The following PRKN variants were observed in gnomAD, a reference collection of about 807,000 sequenced individuals.
The protein encoded by PRKN is parkin RBR E3 ubiquitin protein ligase, also known as E3 ubiquitin-protein ligase parkin.
PRKN carries 56 observed loss-of-function variants against 59.5 expected under a neutral mutation model. The ratio of observed to expected loss-of-function variants is 0.94; its 90% confidence interval spans 0.76 to 1.18. The LOEUF is 1.18. Among genes scored for constraint, PRKN ranks in the 50% most tolerant of loss-of-function variants. The pLI, the probability that PRKN is intolerant of heterozygous loss-of-function variation, is 0.00. For missense variants in PRKN, 657 were observed against 596.4 expected, an observed-to-expected ratio of 1.10 and a Z score of -1.06; for synonymous variants, 250 against 222.1, an observed-to-expected ratio of 1.13 and a Z score of -1.12.
At chr6:161,751,732 A>C (rs1419550607) in intron 7 of PRKN, among the ~76,000 whole-genome samples, 1 of 152,228 alleles carries the variant, frequency 6.6e-6, no homozygotes, top group African/African-American at 2.4e-5. Flanking sequence ...GATGATACCA[A>C]ATAAACTCAC....
intron 6 of PRKN, among the ~76,000 whole-genome samples, chr6:161,828,829 C>T (rs112705262): frequency 9.2e-5 from 14 of 152,026 alleles, no homozygotes; most frequent in African/African-American, 1.7e-4. Flanking sequence ...ACTTGGGACG[C>T]TGAGGCGGGA....
rs937780600 is a variant in PRKN, at chr6:161,547,032, C to G, written c.1083+1822G>C. ...CTAAACTGCAAACTCAGGAGGAACC[C>G]TGAGCCAGAACTACCCAGCAAAGCC... On this transcript the variant is annotated intron_variant, in intron 9 of 11. Transcript: ENST00000366898. This position sits in a 1 kb window ranked among gnomAD's most constrained non-coding sequence, Gnocchi z 4.0. Among the ~76,000 whole-genome samples the G allele has an allele frequency of 6.6e-6, 1 of 152,118 alleles. No individual in the cohort carries two copies. Among genetic ancestry groups the G allele is most frequent in the African/African-American group, 2.4e-5 (1 of 41,414 alleles).
At chr6:161,599,615 T>C (rs1782036720) in intron 7 of PRKN, among the ~76,000 whole-genome samples, 1 of 152,192 alleles carries the variant, frequency 6.6e-6, no homozygotes, top group Non-Finnish European at 1.5e-5. Context: ...GGCATTGGAC[T>C]TCCCTTTATA....
intron 7 of PRKN, among the ~76,000 whole-genome samples, chr6:161,685,526 A>G (rs1785521354): frequency 6.6e-6 from 1 of 152,202 alleles, no homozygotes; most frequent in South Asian, 2.1e-4. Flanking sequence ...TACACATATG[A>G]GGGGCCCTAG....
intron 1 of PRKN, among the ~76,000 whole-genome samples, chr6:162,566,711 A>G (rs1780096253): frequency 6.6e-6 from 1 of 152,214 alleles, no homozygotes; most frequent in African/African-American, 2.4e-5. Context: ...ACATTTAAAG[A>G]AGAACTAATA....
chr6:161,439,735 G>C (rs1302404096), intron 9 of PRKN, among the ~76,000 whole-genome samples: 4 of 152,070 alleles, frequency 2.6e-5, no homozygotes, highest in Admixed American at 6.6e-5. Context: ...GCATCTGAAC[G>C]TAATTCTTGC....
intron 3 of PRKN, among the ~76,000 whole-genome samples, chr6:162,233,158 T>C (rs1778495711): frequency 6.6e-6 from 1 of 152,202 alleles, no homozygotes; most frequent in Non-Finnish European, 1.5e-5. Context: ...AAGAGGCACA[T>C]CTTGTCATTT....
At chr6:161,846,663 T>C (rs1793210135) in intron 6 of PRKN, among the ~76,000 whole-genome samples, 1 of 47,728 alleles carries the variant, frequency 2.1e-5, no homozygotes. Flanking sequence ...TCTGCGTGAG[T>C]GAAAAACAAT....
chr6:162,480,975 T>TG (rs1479479820), intron 1 of PRKN, among the ~76,000 whole-genome samples: 40 of 143,698 alleles, frequency 2.8e-4, no homozygotes, highest in African/African-American at 7.5e-4. Context: ...CCAGCTAATT[T>TG]TTGTGTGTGT....
intron 6 of PRKN, among the ~76,000 whole-genome samples, chr6:161,829,136 A>G (rs1583216273): frequency 6.6e-6 from 1 of 152,036 alleles, no homozygotes; most frequent in East Asian, 1.9e-4. Flanking sequence ...TGAGGCAGGA[A>G]AATCACTTGA....
chr6:162,245,886 G>C (rs1779173649), intron 3 of PRKN, among the ~76,000 whole-genome samples: 1 of 152,138 alleles, frequency 6.6e-6, no homozygotes, highest in Non-Finnish European at 1.5e-5. Context: ...CTATGTGTAA[G>C]TCACTTGTGT....
intron 1 of PRKN, among the ~76,000 whole-genome samples, chr6:162,615,686 C>T (rs547796887): frequency 6.6e-6 from 1 of 152,170 alleles, no homozygotes; most frequent in Non-Finnish European, 1.5e-5. Flanking sequence ...TCTTATTCCA[C>T]CATTAATTAA....
intron 9 of PRKN, among the ~76,000 whole-genome samples, chr6:161,534,600 C>A (rs1475647938): frequency 6.6e-6 from 1 of 152,186 alleles, no homozygotes; most frequent in Non-Finnish European, 1.5e-5. Context: ...GGGACATTCC[C>A]CTGCACAGTT....
chr6:162,166,158 C>T (rs1269207513), intron 4 of PRKN, among the ~76,000 whole-genome samples: 1 of 151,832 alleles, frequency 6.6e-6, no homozygotes, highest in Non-Finnish European at 1.5e-5. Flanking sequence ...GAGTCAAAAC[C>T]TGGAGACGGC....
At chr6:162,368,679 G>C (rs2128136098) in intron 2 of PRKN, among the ~76,000 whole-genome samples, 1 of 152,270 alleles carries the variant, frequency 6.6e-6, no homozygotes, top group South Asian at 2.1e-4. Context: ...AGGAAAGAAA[G>C]GCAAAGGATT....
intron 7 of PRKN, among the ~76,000 whole-genome samples, chr6:161,671,288 T>A (rs992871197): frequency 4.6e-5 from 7 of 152,062 alleles, no homozygotes; most frequent in Non-Finnish European, 1.0e-4. Context: ...GACGTGACAG[T>A]CTGAATGGTA....
chr6:161,813,052 CT>C (rs1295027900), intron 6 of PRKN, among the ~76,000 whole-genome samples: 1 of 152,164 alleles, frequency 6.6e-6, no homozygotes, highest in Non-Finnish European at 1.5e-5. Context: ...CAAAGTGAGG[CT>C]TGTTTATTCA....
At position 161,386,725 on chromosome 6, in the gene PRKN, C is replaced by A; in HGVS notation, c.1167+69G>T. On this transcript the variant is annotated intron_variant, in intron 10 of 11. Transcript: ENST00000366898. The surrounding 1 kb of genome is among the most constrained non-coding windows in gnomAD (Gnocchi z 4.3). ...TTAGAATGGAACTCTCCATGACCTC[C>A]AGGAAACGGCTCCAGTCCCCCACTG... The A allele has an allele frequency of 2.5e-6, 3 of 1,221,232 alleles. No homozygotes were observed. Among genetic ancestry groups the A allele is most frequent in the Non-Finnish European group, 3.7e-6 (3 of 821,282 alleles). 75.6% of individuals were successfully genotyped at this position (1,221,232 alleles called of 1,614,324 possible). A position where few individuals can be genotyped will look rare whatever the true frequency, so the allele number is the denominator to read the frequency against.
At chr6:162,025,295 A>ATG (rs1783388403) in intron 5 of PRKN, among the ~76,000 whole-genome samples, 1 of 151,852 alleles carries the variant, frequency 6.6e-6, no homozygotes, top group Non-Finnish European at 1.5e-5. Flanking sequence ...GAGCCACCGC[A>ATG]CCCAGTCTGT....
Sources: allele counts gnomAD v4.1 joint callset (sites outside exome capture counted in the v4.1 genomes callset), GRCh38; gene constraint gnomAD v4.1.1; non-coding constraint Gnocchi (gnomAD v3.1); transcripts MANE v1.5; gene names NCBI Gene and HGNC (gene_info 2026-07-23, HGNC 2026-07-21).